The following MSRA variants were observed in gnomAD, a reference collection of about 807,000 sequenced individuals.
The protein encoded by MSRA is mitochondrial peptide methionine sulfoxide reductase.
MSRA carries 54 observed loss-of-function variants against 31.3 expected under a neutral mutation model. The ratio of observed to expected loss-of-function variants is 1.73; its 90% CI spans 1.39 to 2.17. MSRA has a LOEUF of 2.17. MSRA is among the 30% of genes most tolerant of loss of function. The pLI is 0.00. For missense variants in MSRA, 507 were observed against 300.9 expected (o/e 1.69, Z -5.07); for synonymous variants, 169 against 116.5 (o/e 1.45, Z -2.90).
At chr8:10,300,698 C>T (rs750638781) in intron 3 of MSRA, among the ~76,000 whole-genome samples, 1 of 152,156 alleles carries the variant, frequency 6.6e-6, no homozygotes, top group Non-Finnish European at 1.5e-5. Flanking sequence ...AAATTCTTTA[C>T]TACACATAAG....
chr8:10,371,666 C>T (rs1805484995), intron 5 of MSRA, among the ~76,000 whole-genome samples: 1 of 152,154 alleles, frequency 6.6e-6, no homozygotes, highest in Admixed American at 6.5e-5. Context: ...CGCCTGTTAG[C>T]TACCAGAAGC....
At position 10,054,443 on chromosome 8, in the gene MSRA, C is replaced by G. The variant is rs1235162492; in HGVS notation, c.-74C>G. The G allele has an allele frequency of 7.0e-7, 1 of 1,423,826 alleles. No homozygotes were observed. Among genetic ancestry groups the G allele is most frequent in the Non-Finnish European group, 9.3e-7 (1 of 1,072,270 alleles). 88.2% of individuals were successfully genotyped at this position (1,423,826 alleles called of 1,614,324 possible). On this transcript the variant is annotated 5_prime_UTR_variant, in exon 1 of 6. Coordinates refer to ENST00000317173, the MANE Select transcript of MSRA (RefSeq NM_012331.5). ...CCCGGTTCCGGCCGCGGACCCCACTCTCTGCCGTTCCGGCTGCGGCTCCGC... is the reference window on the plus strand; with the variant it reads ...CCCGGTTCCGGCCGCGGACCCCACTGTCTGCCGTTCCGGCTGCGGCTCCGC...
chr8:10,207,960 C>G (rs1468582319), intron 2 of MSRA, 59 bp downstream of exon 2: 4 of 1,432,756 alleles, frequency 2.8e-6, no homozygotes, highest in Non-Finnish European at 3.9e-6. Flanking sequence ...TGCCAAATTT[C>G]TTAGTTTTAG....
intron 5 of MSRA, among the ~76,000 whole-genome samples, chr8:10,349,899 C>T (rs189445945): frequency 9.2e-5 from 14 of 152,340 alleles, no homozygotes; most frequent in Middle Eastern, 3.4e-3. Context: ...GAGGGGCCTT[C>T]CCCTGTCACC....
At position 10,240,401 on chromosome 8, in the gene MSRA, G is replaced by A. The variant is rs555097822; in HGVS notation, c.212-4703G>A. Among the ~76,000 whole-genome samples the A allele has an allele frequency of 4.6e-5, 7 of 152,258 alleles. No individual in the cohort carries two copies. The South Asian group carries it at 8.3e-4, about 18-fold the overall frequency. ...GCCAGTTCGTTCCTGCATCCATTAC[G>A]CAGGTACTAGGGTAGCCAGTGAAGA... On this transcript the variant is annotated intron_variant, in intron 2 of 5. Coordinates refer to ENST00000317173, the MANE Select transcript of MSRA (RefSeq NM_012331.5).
intron 1 of MSRA, among the ~76,000 whole-genome samples, chr8:10,130,850 G>A (rs954052746): frequency 6.6e-6 from 1 of 152,160 alleles, no homozygotes; most frequent in Non-Finnish European, 1.5e-5. Context: ...AGGGCACACA[G>A]AAAGCTAATG....
intron 1 of MSRA, among the ~76,000 whole-genome samples, chr8:10,186,902 A>C (rs1807104613): frequency 6.6e-6 from 1 of 152,204 alleles, no homozygotes; most frequent in African/African-American, 2.4e-5. Context: ...TTTTGTAAAA[A>C]TACCAGCCTT....
At chr8:10,365,110 C>G (rs946825387) in intron 5 of MSRA, among the ~76,000 whole-genome samples, 5 of 135,728 alleles carry the variant, frequency 3.7e-5, no homozygotes, top group African/African-American at 1.1e-4. Flanking sequence ...GTGCTGACTT[C>G]TAAGGGCCTT....
chr8:10,231,736 C>G (rs1030660980), intron 2 of MSRA, among the ~76,000 whole-genome samples: 1 of 152,028 alleles, frequency 6.6e-6, no homozygotes, highest in Non-Finnish European at 1.5e-5. Flanking sequence ...AACCCCGTCT[C>G]TACTCAGAAT....
At chr8:10,063,476 C>G (rs758126106) in intron 1 of MSRA, among the ~76,000 whole-genome samples, 1 of 152,196 alleles carries the variant, frequency 6.6e-6, no homozygotes, top group Non-Finnish European at 1.5e-5. Context: ...GAGGCTGGCT[C>G]CTGCTCTGAG....
intron 5 of MSRA, among the ~76,000 whole-genome samples, chr8:10,342,674 G>A (rs1452136786): frequency 2.6e-5 from 4 of 152,210 alleles, no homozygotes; most frequent in Non-Finnish European, 5.9e-5. Context: ...GTCCAGCGCA[G>A]TTCCCTGGCC....
At chr8:10,327,632 C>T (rs537685528) in intron 5 of MSRA, among the ~76,000 whole-genome samples, 1 of 152,176 alleles carries the variant, frequency 6.6e-6, no homozygotes, top group Admixed American at 6.5e-5. Flanking sequence ...AAGACAGTGT[C>T]ACTACCAAAT....
intron 4 of MSRA, among the ~76,000 whole-genome samples, chr8:10,305,253 G>A (rs1400563763): frequency 6.6e-6 from 1 of 152,138 alleles, no homozygotes; most frequent in Non-Finnish European, 1.5e-5. Context: ...CAGCAAGAAT[G>A]TAAGCTTAGA....
chr8:10,361,022 A>T (rs1484924588), intron 5 of MSRA, among the ~76,000 whole-genome samples: 1 of 152,198 alleles, frequency 6.6e-6, no homozygotes, highest in African/African-American at 2.4e-5. Flanking sequence ...TCAACCCGAT[A>T]AACAGCCTCA....
chr8:10,180,936 T>A (rs1806479743), intron 1 of MSRA, among the ~76,000 whole-genome samples: 1 of 152,234 alleles, frequency 6.6e-6, no homozygotes, highest in Non-Finnish European at 1.5e-5. Flanking sequence ...GTTGACTTCC[T>A]GGACTTTACC....
intron 5 of MSRA, among the ~76,000 whole-genome samples, chr8:10,321,658 T>C (rs549716427): frequency 1.1e-3 from 166 of 152,306 alleles, no homozygotes; most frequent in African/African-American, 3.5e-3. Context: ...ATTAAAAGAT[T>C]GTGGCTCGTA....
intron 1 of MSRA, among the ~76,000 whole-genome samples, chr8:10,116,323 C>A (rs1341954795): frequency 6.6e-6 from 1 of 152,184 alleles, no homozygotes; most frequent in African/African-American, 2.4e-5. Flanking sequence ...GGCAGTTCTT[C>A]TTCCAATATG....
chr8:10,203,655 A>G (rs1250214369), intron 1 of MSRA, among the ~76,000 whole-genome samples: 2 of 152,272 alleles, frequency 1.3e-5, no homozygotes, highest in African/African-American at 2.4e-5. Flanking sequence ...GTTGATAATC[A>G]TCATAAACAA....
Position 10,248,636 on chromosome 8 carries a change from G to C in MSRA, c.331+3413G>C, listed in dbSNP as rs181273280. 2.6e-5 allele frequency among the ~76,000 whole-genome samples: 4 copies of C among 152,326 alleles called. No individual in the cohort carries two copies. The East Asian group carries it at 5.8e-4, about 22-fold the overall frequency. On this transcript the variant is annotated intron_variant, in intron 3 of 5. Transcript: ENST00000317173. ...GAGGGTGTGGATTCATATCCGAATG[G>C]TATTTCTATGTGGAAATTGATAGGC...
Sources: allele counts gnomAD v4.1 joint callset (sites outside exome capture counted in the v4.1 genomes callset), GRCh38; gene constraint gnomAD v4.1.1; transcripts MANE v1.5; gene names NCBI Gene and HGNC (gene_info 2026-07-23, HGNC 2026-07-21).